RSPH14: variants seen among roughly 807,000 people sequenced by gnomAD.
RSPH14 encodes the protein rhabdoid tumor deletion region gene 1.
RSPH14 carries 20 observed loss-of-function variants against 26.7 expected under a neutral mutation model. The observed-to-expected ratio is 0.75, with a 90% CI of 0.53 to 1.09. The LOEUF is 1.09. Among genes scored for constraint, RSPH14 ranks in the 50% least tolerant of loss-of-function variants. The probability of loss-of-function intolerance (pLI) is 0.00; values close to 1 mark genes in which losing one functional copy is unlikely to be tolerated. For missense variants in RSPH14, 449 were observed against 457.2 expected (o/e 0.98, Z 0.16); for synonymous variants, 177 against 189.3 (o/e 0.93, Z 0.53).
At chr22:23,090,693 T>C (rs1165725575) in intron 4 of RSPH14, among the ~76,000 whole-genome samples, 2 of 152,070 alleles carry the variant, frequency 1.3e-5, no homozygotes, top group Non-Finnish European at 2.9e-5. Context: ...TTCATACTCA[T>C]CTCTTACCAG....
chr22:23,097,893 C>T (rs1026003579), intron 4 of RSPH14, among the ~76,000 whole-genome samples: 2 of 152,362 alleles, frequency 1.3e-5, no homozygotes, highest in African/African-American at 2.4e-5. Flanking sequence ...CAGTGGCAGG[C>T]GTGGCAAATT....
chr22:23,153,280 C>T, the RSPH14 span: 6 of 682,546 alleles, frequency 8.8e-6, no homozygotes, highest in Non-Finnish European at 1.5e-5. Flanking sequence ...ACTTAGCTTC[C>T]TGGCTCCCAG....
chr22:23,089,429 G>C (rs1342906786), intron 4 of RSPH14, among the ~76,000 whole-genome samples: 1 of 152,160 alleles, frequency 6.6e-6, no homozygotes, highest in East Asian at 1.9e-4. Flanking sequence ...TGTGACCATG[G>C]GTATTATGTT....
At chr22:23,135,657 T>C (rs1367395506) in intron 3 of RSPH14, among the ~76,000 whole-genome samples, 1 of 152,120 alleles carries the variant, frequency 6.6e-6, no homozygotes, top group Admixed American at 6.5e-5. Flanking sequence ...AAAAAAAATA[T>C]GATAGGAAAC....
intron 4 of RSPH14, among the ~76,000 whole-genome samples, chr22:23,103,877 C>A (rs2069378296): frequency 6.6e-6 from 1 of 152,158 alleles, no homozygotes; most frequent in Non-Finnish European, 1.5e-5. Flanking sequence ...AGGCTGGCTT[C>A]CCCAGTGCCT....
Position 23,140,236 on chromosome 22 carries a change from T to C in RSPH14, c.185A>G (p.Lys62Arg), listed in dbSNP as rs568954545. The change falls in exon 2 of 7, where the codon AAG (lysine) becomes AGG (arginine). Residue 62 changes from lysine to arginine, a missense_variant. Lys to Arg is a conservative substitution (Grantham distance 26). Coordinates refer to ENST00000216036, the MANE Select transcript of RSPH14 (RefSeq NM_014433.3). ...GTCACGCTCACCTATGTTCATGGCC[T>C]TGTAGATACACTCGGGGTCATGCAT... The part of the protein sequence containing the change: ...DLMHDPECIY[K>R]AMNIGCMENL... 39 of 1,613,982 alleles carry C rather than the reference T, an allele frequency of 2.4e-5. 1 individual carries two copies. The South Asian group carries it at 4.1e-4, about 17-fold the overall frequency.
chr22:23,072,378 A>G (rs552034149), intron 4 of RSPH14, among the ~76,000 whole-genome samples: 2 of 152,114 alleles, frequency 1.3e-5, no homozygotes. Context: ...AGGAATGAGG[A>G]GATGCTGGCA....
At chr22:23,077,504 G>A (rs1201702101) in intron 4 of RSPH14, among the ~76,000 whole-genome samples, 1 of 152,174 alleles carries the variant, frequency 6.6e-6, no homozygotes, top group Admixed American at 6.5e-5. Flanking sequence ...CCAGCAAGGA[G>A]CCCCTAGAAG....
At chr22:23,165,697 T>C in the RSPH14 span, among the ~76,000 whole-genome samples, 8 of 152,242 alleles carry the variant, frequency 5.3e-5, no homozygotes, top group Admixed American at 5.2e-4. Flanking sequence ...TTCCGCTCCC[T>C]GCTTGGTAGC....
the RSPH14 span, among the ~76,000 whole-genome samples, chr22:23,157,281 C>T: frequency 6.6e-6 from 1 of 150,966 alleles, no homozygotes; most frequent in Non-Finnish European, 1.5e-5. Context: ...GCCTGAGTCT[C>T]GCTTTGTAGC....
intron 4 of RSPH14, among the ~76,000 whole-genome samples, chr22:23,113,142 G>A (rs1367014454): frequency 6.6e-6 from 1 of 152,220 alleles, no homozygotes; most frequent in Non-Finnish European, 1.5e-5. Context: ...GGCTGGACTT[G>A]GTGCCTGCTG....
chr22:23,170,241 A>C, the RSPH14 span, among the ~76,000 whole-genome samples: 3 of 152,194 alleles, frequency 2.0e-5, no homozygotes, highest in African/African-American at 7.2e-5. Context: ...AAACAAGTAC[A>C]TTGCCTTAGT....
intron 4 of RSPH14, among the ~76,000 whole-genome samples, chr22:23,094,225 G>C (rs539839744): frequency 6.6e-6 from 1 of 152,286 alleles, no homozygotes; most frequent in East Asian, 1.9e-4. Context: ...GAAGGAGCAA[G>C]AGGGGTGCGT....
chr22:23,100,192 A>G (rs1159422785), intron 4 of RSPH14, among the ~76,000 whole-genome samples: 1 of 152,212 alleles, frequency 6.6e-6, no homozygotes, highest in East Asian at 1.9e-4. Flanking sequence ...ACTGGGGGAC[A>G]AGGAGGAGGC....
intron 4 of RSPH14, among the ~76,000 whole-genome samples, chr22:23,068,391 C>T (rs1281322556): frequency 6.6e-6 from 1 of 152,266 alleles, no homozygotes; most frequent in Non-Finnish European, 1.5e-5. Context: ...TCTGCCCCTG[C>T]CCTACAGGCA....
intron 4 of RSPH14, chr22:23,123,064 C>T (rs547797440): frequency 2.6e-5 from 40 of 1,533,134 alleles, no homozygotes; most frequent in South Asian, 1.7e-4. Context: ...GCCTGATTAA[C>T]GCCAGTACTT....
the RSPH14 span, among the ~76,000 whole-genome samples, chr22:23,169,671 A>G: frequency 6.6e-6 from 1 of 152,078 alleles, no homozygotes; most frequent in Non-Finnish European, 1.5e-5. Context: ...GGGGAGGTGG[A>G]AAGAAATCAC....
At chr22:23,076,301 C>T (rs138738875) in intron 4 of RSPH14, among the ~76,000 whole-genome samples, 7 of 152,304 alleles carry the variant, frequency 4.6e-5, no homozygotes, top group East Asian at 3.9e-4. Context: ...AGGGCAGGGA[C>T]GTTGCGGAGT....
rs1166543661 is a variant in RSPH14 at position 23,117,005 on chromosome 22, G to A, written c.421+17021C>T. ...AGGAGGCTGATGCTGGAATATGCGC[G>A]CACCTGCTGGGGGATCTGTGCGCCT... On this transcript the variant is annotated intron_variant, in intron 4 of 6. Transcript: ENST00000216036. 4.6e-5 allele frequency among the ~76,000 whole-genome samples: 7 copies of A among 152,156 alleles called. No individual in the cohort carries two copies. In the East Asian group the frequency reaches 7.7e-4, roughly 17 times the overall value.
Sources: gnomAD v4.1 joint callset for allele counts (sites outside exome capture counted in the v4.1 genomes callset) on GRCh38, gnomAD v4.1.1 for gene constraint, MANE v1.5 for transcripts, NCBI Gene and HGNC (gene_info 2026-07-23, HGNC 2026-07-21) for gene names.